DIAPH2: variants seen among roughly 807,000 people sequenced by gnomAD.
DIAPH2 encodes protein diaphanous homolog 2.
In DIAPH2, 35 loss-of-function variants were observed where a neutral mutation model predicts 92.7. The observed-to-expected ratio is 0.38, with a 90% CI of 0.29 to 0.50. The LOEUF (loss-of-function observed/expected upper bound fraction) is 0.50. Among genes scored for constraint, DIAPH2 ranks in the 20% least tolerant of loss-of-function variants. The pLI is 0.94. For missense variants in DIAPH2, 701 were observed against 819.5 expected, an observed-to-expected ratio of 0.86 and a Z score of 1.77; for synonymous variants, 301 against 280.4, an observed-to-expected ratio of 1.07 and a Z score of -0.73.
intron 21 of DIAPH2, among the ~76,000 whole-genome samples, chrX:97,136,772 G>A (rs1352080198): frequency 1.8e-5 from 2 of 110,731 alleles, no homozygotes; most frequent in Non-Finnish European, 3.8e-5. Flanking sequence ...AGCTTTTGGA[G>A]TCTTTGATTT....
intron 21 of DIAPH2, among the ~76,000 whole-genome samples, chrX:97,139,029 A>T (rs756760443): frequency 1.8e-5 from 2 of 111,326 alleles, no homozygotes; most frequent in African/African-American, 6.5e-5. Flanking sequence ...ACTAACTCAA[A>T]CATTTTGGAA....
chrX:97,441,676 C>T (rs1008623115), intron 26 of DIAPH2, among the ~76,000 whole-genome samples: 33 of 111,173 alleles, frequency 3.0e-4, no homozygotes, highest in African/African-American at 1.1e-3. Flanking sequence ...ATTAGCCGGG[C>T]GTGGTGGCAC....
chrX:97,166,317 C>A (rs140186112), intron 22 of DIAPH2, among the ~76,000 whole-genome samples: 3,381 of 111,209 alleles, frequency 0.03, 48 homozygotes, highest in Middle Eastern at 0.043. Context: ...TTGATTAATA[C>A]TTTGAATGTC....
At chrX:97,253,293 A>AAAAATAAAAAAAAAT (rs1556010463) in intron 23 of DIAPH2, among the ~76,000 whole-genome samples, 2 of 91,740 alleles carry the variant, frequency 2.2e-5, no homozygotes, top group Non-Finnish European at 4.2e-5. Flanking sequence ...CTCCGTAAAA[A>AAAAATAAAAAAAAAT]AAAATAAAAT....
chrX:97,542,720 C>G lies in DIAPH2; in HGVS notation c.3242-56533C>G, dbSNP rs2071149455. 1.8e-5 allele frequency among the ~76,000 whole-genome samples: 2 copies of G among 111,351 alleles called. 1 individual carries two copies. The highest frequency in any genetic ancestry group is 1.9e-4 in the Admixed American group (2 of 10,453). On this transcript the variant is annotated intron_variant, in intron 26 of 26. Coordinates refer to ENST00000324765, the MANE Select transcript of DIAPH2 (RefSeq NM_006729.5). ...CAAGGGAGACAATCCAATTCACTTCCCTGACAGAATTGTGGGTGATGGTTA... is the reference window on the plus strand; with the variant it reads ...CAAGGGAGACAATCCAATTCACTTCGCTGACAGAATTGTGGGTGATGGTTA...
At chrX:96,888,235 A>G (rs906863406) in intron 5 of DIAPH2, among the ~76,000 whole-genome samples, 5 of 108,286 alleles carry the variant, frequency 4.6e-5, no homozygotes, top group African/African-American at 1.7e-4. Flanking sequence ...TAATTTTTAT[A>G]TTTTTAGTAA....
rs2069238413 is a variant in DIAPH2 at position 97,353,554 on chromosome X, C to T, written c.3009+5274C>T. ...TAAATATTTGTTGTGTGTGTGTCCTCATTCTGTACCTCATATACCAAATAT... is the reference window on the plus strand; with the variant it reads ...TAAATATTTGTTGTGTGTGTGTCCTTATTCTGTACCTCATATACCAAATAT... On this transcript the variant is annotated intron_variant, in intron 24 of 26. Coordinates refer to ENST00000324765, the MANE Select transcript of DIAPH2 (RefSeq NM_006729.5). Among the ~76,000 whole-genome samples the T allele has an allele frequency of 1.8e-5, 2 of 110,954 alleles. 1 individual carries two copies. Among genetic ancestry groups the T allele is most frequent in the Non-Finnish European group, 3.8e-5 (2 of 52,660 alleles).
intron 26 of DIAPH2, among the ~76,000 whole-genome samples, chrX:97,511,928 T>G (rs761225108): frequency 0.016 from 1,819 of 112,917 alleles, 27 homozygotes; most frequent in African/African-American, 0.057. Flanking sequence ...TTATTGAGGA[T>G]TTTTGCATCA....
chrX:97,132,126 C>CCT (rs1283750647), intron 21 of DIAPH2, among the ~76,000 whole-genome samples: 1 of 112,006 alleles, frequency 8.9e-6, no homozygotes, highest in African/African-American at 3.2e-5. Context: ...TTTCAGCTCT[C>CCT]CTTTCACAGA....
At chrX:97,561,404 T>G (rs1030426262) in intron 26 of DIAPH2, among the ~76,000 whole-genome samples, 7 of 112,412 alleles carry the variant, frequency 6.2e-5, no homozygotes, top group African/African-American at 1.3e-4. Context: ...GACTGCTGCC[T>G]GTGATGTGTT....
chrX:97,586,161 G>T (rs923574779), intron 26 of DIAPH2, among the ~76,000 whole-genome samples: 3 of 111,590 alleles, frequency 2.7e-5, no homozygotes, highest in Admixed American at 9.5e-5. Flanking sequence ...CTGAACCTTG[G>T]TCTTGTAATA....
chrX:97,300,759 C>T (rs1223849642), intron 23 of DIAPH2, among the ~76,000 whole-genome samples: 4 of 89,190 alleles, frequency 4.5e-5, no homozygotes, highest in African/African-American at 1.6e-4. Context: ...GGTGAAACCC[C>T]GTCTCTACTA....
At chrX:97,168,392 A>G (rs1315378434) in intron 22 of DIAPH2, among the ~76,000 whole-genome samples, 1 of 111,269 alleles carries the variant, frequency 9.0e-6, no homozygotes, top group Non-Finnish European at 1.9e-5. Context: ...CAGCCTATAT[A>G]GTCATTTTTA....
At chrX:96,900,993 G>A (rs778310553) in intron 5 of DIAPH2, among the ~76,000 whole-genome samples, 2 of 111,834 alleles carry the variant, frequency 1.8e-5, no homozygotes, top group African/African-American at 3.2e-5. Flanking sequence ...ATTCAGAGAG[G>A]ATTCCCTCTT....
intron 3 of DIAPH2, among the ~76,000 whole-genome samples, chrX:96,746,827 G>T (rs780035338): frequency 2.9e-4 from 32 of 111,351 alleles, no homozygotes; most frequent in Non-Finnish European, 4.7e-4. Flanking sequence ...GGGTTACACT[G>T]TACCCAGCCT....
intron 26 of DIAPH2, chrX:97,469,801 A>G: frequency 8.5e-7 from 1 of 1,178,740 alleles, no homozygotes. Context: ...ACTTTTTAAG[A>G]TAATCAAGTA....
intron 26 of DIAPH2, among the ~76,000 whole-genome samples, chrX:97,461,385 A>AT (rs1018796124): frequency 2.7e-5 from 3 of 111,003 alleles, no homozygotes; most frequent in African/African-American, 9.8e-5. Flanking sequence ...GTAGGGAGTT[A>AT]TTTTTTTTCT....
intron 22 of DIAPH2, among the ~76,000 whole-genome samples, chrX:97,208,839 T>C (rs2067817614): frequency 9.0e-6 from 1 of 110,930 alleles, no homozygotes; most frequent in Non-Finnish European, 1.9e-5. Flanking sequence ...CTGATATCCC[T>C]CTCCCAGTAA....
At chrX:96,858,892 T>G (rs1003876518) in intron 4 of DIAPH2, among the ~76,000 whole-genome samples, 1 of 111,732 alleles carries the variant, frequency 8.9e-6, no homozygotes, top group African/African-American at 3.3e-5. Context: ...TTAACTGATG[T>G]GGGAATTTGA....
Sources: gnomAD v4.1 joint callset for allele counts (sites outside exome capture counted in the v4.1 genomes callset) on GRCh38, gnomAD v4.1.1 for gene constraint, MANE v1.5 for transcripts, NCBI Gene and HGNC (gene_info 2026-07-23, HGNC 2026-07-21) for gene names.